The following FMN2 variants were observed in gnomAD, a reference collection of about 807,000 sequenced individuals.
FMN2 encodes the protein formin 2.
FMN2 carries 51 observed loss-of-function variants against 142.3 expected under a neutral mutation model. The observed-to-expected ratio is 0.36, with a 90% CI of 0.29 to 0.45. The LOEUF is 0.45. Among genes scored for constraint, FMN2 ranks in the 20% least tolerant of loss-of-function variants. The pLI is 1.00. For missense variants in FMN2, 1,936 were observed against 2,122.8 expected, an observed-to-expected ratio of 0.91 and a Z score of 1.73; for synonymous variants, 882 against 869.8, an observed-to-expected ratio of 1.01 and a Z score of -0.25.
At chr1:240,348,502 C>A (rs1671990606) in intron 13 of FMN2, among the ~76,000 whole-genome samples, 1 of 150,278 alleles carries the variant, frequency 6.7e-6, no homozygotes, top group African/African-American at 2.5e-5. Context: ...GGATTACAGG[C>A]ATGAGCCACC....
chr1:240,369,410 T>C (rs576357401), intron 14 of FMN2, among the ~76,000 whole-genome samples: 3 of 152,306 alleles, frequency 2.0e-5, no homozygotes, highest in Admixed American at 1.3e-4. Flanking sequence ...TATAGAATTA[T>C]TATTTTATGT....
intron 16 of FMN2, among the ~76,000 whole-genome samples, chr1:240,445,869 G>T (rs1230403570): frequency 1.3e-5 from 2 of 152,106 alleles, no homozygotes; most frequent in Non-Finnish European, 2.9e-5. Context: ...GCAGACTGGG[G>T]TGAAGGCAGT....
intron 1 of FMN2, 40 bp downstream of exon 1, chr1:240,093,764 C>T (rs2103160955): frequency 7.8e-7 from 1 of 1,281,382 alleles, no homozygotes; most frequent in Non-Finnish European, 9.9e-7. Flanking sequence ...TCTCAAGTCG[C>T]CTGTCAGTCA....
chr1:240,110,844 C>A (rs923829366), intron 1 of FMN2, among the ~76,000 whole-genome samples: 1 of 151,960 alleles, frequency 6.6e-6, no homozygotes, highest in African/African-American at 2.4e-5. Flanking sequence ...GCTAGGAATT[C>A]TAGCAAGCAG....
At chr1:240,161,656 T>G (rs778828857) in intron 2 of FMN2, among the ~76,000 whole-genome samples, 3 of 151,794 alleles carry the variant, frequency 2.0e-5, no homozygotes, top group Non-Finnish European at 2.9e-5. Flanking sequence ...TGGAACAGAG[T>G]CACCTAACAG....
chr1:240,145,409 A>G (rs1663404582), intron 2 of FMN2: 2 of 487,122 alleles, frequency 4.1e-6, no homozygotes, highest in Non-Finnish European at 7.2e-6. Flanking sequence ...TTTAATTTTC[A>G]TGGATACATA....
At chr1:240,393,303 A>T (rs949783068) in intron 15 of FMN2, among the ~76,000 whole-genome samples, 4 of 152,150 alleles carry the variant, frequency 2.6e-5, no homozygotes, top group African/African-American at 7.2e-5. Flanking sequence ...TAATATTTCA[A>T]ACATTTTATT....
At chr1:240,141,618 C>T (rs957380453) in intron 2 of FMN2, among the ~76,000 whole-genome samples, 1 of 152,154 alleles carries the variant, frequency 6.6e-6, no homozygotes, top group Non-Finnish European at 1.5e-5. Context: ...AATCTGCCCA[C>T]CTTGACCTCC....
chr1:240,127,055 G>C (rs1337276597), intron 2 of FMN2, among the ~76,000 whole-genome samples: 1 of 152,022 alleles, frequency 6.6e-6, no homozygotes, highest in African/African-American at 2.4e-5. Flanking sequence ...GGCTTCAGGA[G>C]ATGAGGACAG....
chr1:240,113,557 C>CAAAAA (rs34741987), intron 1 of FMN2, among the ~76,000 whole-genome samples: 3 of 88,468 alleles, frequency 3.4e-5, no homozygotes, highest in Non-Finnish European at 4.1e-5. Context: ...GACTCCGTCT[C>CAAAAA]AAAAAAAAAA....
chr1:240,459,717 TAAAAAAAAAAAAAAAAAAAAAA>T lies in FMN2; in HGVS notation c.5061-12638_5061-12617del, dbSNP rs57065226. On this transcript the variant is annotated intron_variant, in intron 16 of 17. Transcript: ENST00000319653. Reference sequence around the variant, plus strand: ...GGGTGACAGAACAAGACTCTGTCTCTAAAAAAAAAAAAAAAAAAAAAAAAAAAAAAAAAAAAAAGATTGTAGA... The same window carrying T: ...GGGTGACAGAACAAGACTCTGTCTCTAAAAAAAAAAAAAAAAGATTGTAGA... 4.8e-3 allele frequency among the ~76,000 whole-genome samples: 324 copies of T among 67,132 alleles called. 15 individuals are homozygous for T. In the East Asian group the frequency reaches 0.098, roughly 20 times the overall value. 44.0% of individuals were successfully genotyped at this position (67,132 alleles called of 152,430 possible).
chr1:240,173,986 C>G (rs1664810858), intron 2 of FMN2, among the ~76,000 whole-genome samples: 1 of 152,116 alleles, frequency 6.6e-6, no homozygotes, highest in African/African-American at 2.4e-5. Flanking sequence ...TGATGGCTCT[C>G]TAGGCAAAAG....
At chr1:240,366,966 T>A (rs1328083083) in intron 14 of FMN2, among the ~76,000 whole-genome samples, 2 of 152,278 alleles carry the variant, frequency 1.3e-5, no homozygotes, top group East Asian at 3.9e-4. Flanking sequence ...TTTGCTGAGG[T>A]GTGGGACAAG....
At chr1:240,426,821 C>T (rs917431113) in intron 15 of FMN2, among the ~76,000 whole-genome samples, 1 of 152,060 alleles carries the variant, frequency 6.6e-6, no homozygotes, top group African/African-American at 2.4e-5. Context: ...CTGCATCCTC[C>T]GCCTCCCGGG....
At chr1:240,416,709 T>C (rs1265895016) in intron 15 of FMN2, among the ~76,000 whole-genome samples, 1 of 152,102 alleles carries the variant, frequency 6.6e-6, no homozygotes, top group Non-Finnish European at 1.5e-5. Context: ...CTCTATTTTA[T>C]TGGTCTTTGA....
chr1:240,271,457 T>G (rs1451078255), intron 7 of FMN2, among the ~76,000 whole-genome samples: 2 of 151,752 alleles, frequency 1.3e-5, no homozygotes, highest in African/African-American at 4.8e-5. Flanking sequence ...TTATAAGGCT[T>G]GCTTAGAAAT....
chr1:240,460,831 C>A (rs1262264377), intron 16 of FMN2, among the ~76,000 whole-genome samples: 1 of 152,072 alleles, frequency 6.6e-6, no homozygotes, highest in Non-Finnish European at 1.5e-5. Context: ...TACCTCCAAA[C>A]AGAGGTTTTC....
intron 13 of FMN2, 144 bp from the exon 14 acceptor site, chr1:240,355,672 T>A: frequency 2.0e-6 from 1 of 503,374 alleles, no homozygotes; most frequent in South Asian, 4.6e-5. Context: ...ATGTCCGTAT[T>A]TGGATGTTTC....
Position 240,206,935 on chromosome 1 carries a change from A to C in FMN2, c.2123A>C (p.His708Pro). The C allele has an allele frequency of 2.5e-6, 4 of 1,614,184 alleles. No individual in the cohort carries two copies. Among genetic ancestry groups the C allele is most frequent in the Non-Finnish European group, 3.4e-6 (4 of 1,180,022 alleles). The stretch of plus-strand genomic sequence containing the variant: ...CTGGACACAGAGGTGGCCAGTGGTC[A>C]TCAAGGGCTTGAGAATGGAGTGACA... ...PALDTEVASG[H>P]QGLENGVTAS... Residue 708 changes from histidine (H) to proline (P), a missense_variant, in exon 5 of 18, where the codon CAT becomes CCT. By Grantham distance (77) the His-to-Pro change is moderately conservative. This residue lies in a region of FMN2 where 478 missense variants were observed against 462.8 expected (regional missense o/e 1.03). Coordinates refer to ENST00000319653, the MANE Select transcript of FMN2 (RefSeq NM_020066.5).
Sources: allele counts gnomAD v4.1 joint callset (sites outside exome capture counted in the v4.1 genomes callset), GRCh38; gene constraint gnomAD v4.1.1; regional missense constraint gnomAD v4.1.1; transcripts MANE v1.5; gene names NCBI Gene and HGNC (gene_info 2026-07-23, HGNC 2026-07-21).